Variants in NDOR1 observed in about 807,000 individuals in gnomAD.
NDOR1 encodes the protein NADPH dependent diflavin oxidoreductase 1.
In NDOR1, 61 loss-of-function variants were observed where a neutral mutation model predicts 67.2. The ratio of observed to expected loss-of-function variants is 0.91; its 90% CI spans 0.74 to 1.12. The LOEUF is 1.12. Among genes scored for constraint, NDOR1 ranks in the 50% most tolerant of loss-of-function variants. The pLI, the probability that NDOR1 is intolerant of heterozygous loss-of-function variation, is 0.00. For synonymous variants in NDOR1, 378 were observed against 343.7 expected (o/e 1.10, Z -1.10); for missense variants, 878 against 802.8 (o/e 1.09, Z -1.13).
chr9:137,213,299 G>A (rs1336916019), intron 3 of NDOR1, among the ~76,000 whole-genome samples: 2 of 152,172 alleles, frequency 1.3e-5, no homozygotes, highest in Non-Finnish European at 2.9e-5. Flanking sequence ...GGCCGCTGCC[G>A]ACAGCGTTCC....
In NDOR1 at chr9:137,216,414, T is replaced by C; in HGVS notation, c.1792T>C (p.Ter598ArgextTer77). The change falls in exon 14 of 14, where the codon TGA becomes CGA. Residue 598 changes from the stop codon to arginine (R), a stop_lost. Transcript: ENST00000684003. ...TRRFQTETWA[*>R] ...GCGCTTCCAGACAGAGACGTGGGCC[T>C]GAGGCCCGCGGCTGCCCGTGCCCCC... 2 of 1,600,444 alleles carry C rather than the reference T, an allele frequency of 1.2e-6. No individual in the cohort carries two copies. The highest frequency in any genetic ancestry group is 1.7e-6 in the Non-Finnish European group (2 of 1,177,562).
chr9:137,215,551 G>C, intron 10 of NDOR1, 30 bp downstream of exon 10: 1 of 1,611,430 alleles, frequency 6.2e-7, no homozygotes, highest in Middle Eastern at 1.7e-4. Context: ...TGGGGGCCGT[G>C]GGCCCATATC....
chr9:137,218,056 G>T lies in NDOR1; in HGVS notation c.*1640G>T, dbSNP rs1017337445. The stretch of plus-strand genomic sequence containing the variant: ...AGGAGGGGAGAGAGCAGGCAGCAGG[G>T]CAGGGGGAAGAGGAGGAGTGCCCGA... On this transcript the variant is annotated 3_prime_UTR_variant, in exon 14 of 14. Transcript: ENST00000684003. 20 of 399,450 alleles carry T rather than the reference G, an allele frequency of 5.0e-5. No homozygotes were observed. The highest frequency in any genetic ancestry group is 2.9e-4 in the African/African-American group (14 of 48,762). The allele number at this position is 399,450 out of a possible 1,614,324, so 24.7% of individuals were successfully genotyped here. A position where few individuals can be genotyped will look rare whatever the true frequency, so the allele number is the denominator to read the frequency against.
intron 2 of NDOR1, among the ~76,000 whole-genome samples, chr9:137,210,311 C>G (rs1449415110): frequency 3.3e-5 from 5 of 152,198 alleles, no homozygotes; most frequent in Non-Finnish European, 5.9e-5. Flanking sequence ...GCCCCCTGAC[C>G]TTCCAGACTC....
rs1171123566 is a variant in NDOR1 at position 137,214,429 on chromosome 9, G to A, written c.722+16G>A. On this transcript the variant is annotated intron_variant, in intron 6 of 13. Transcript: ENST00000684003. ...CTGGCATCAGGTGGGGACTGCTGGG[G>A]ACCGAGGAGGGCAAGGTGAGGTGGG... 1 of 1,610,620 alleles carries A rather than the reference G, an allele frequency of 6.2e-7. No individual in the cohort carries two copies. Among genetic ancestry groups the A allele is most frequent in the Admixed American group, 1.7e-5 (1 of 59,344 alleles).
At chr9:137,207,919 C>T (rs1391934611) in intron 2 of NDOR1, among the ~76,000 whole-genome samples, 2 of 151,676 alleles carry the variant, frequency 1.3e-5, no homozygotes, top group Non-Finnish European at 1.5e-5. Flanking sequence ...CCGAGGCGGG[C>T]GAATCACGAG....
chr9:137,219,248 C>T lies in NDOR1; in HGVS notation c.*2832C>T, dbSNP rs1457427290. 1 of 152,264 alleles carries T rather than the reference C, an allele frequency of 6.6e-6. No homozygotes were observed. The highest frequency in any genetic ancestry group is 1.5e-5 in the Non-Finnish European group (1 of 68,088). 9.4% of individuals were successfully genotyped at this position (152,264 alleles called of 1,614,324 possible). A position where few individuals can be genotyped will look rare whatever the true frequency, so the allele number is the denominator to read the frequency against. ...CCAGGCCTTGGAACATAAGCTCTGC[C>T]CCTGCACACCCTCATGTCACCACAC... On this transcript the variant is annotated 3_prime_UTR_variant, in exon 14 of 14. Transcript: ENST00000684003.
chr9:137,215,257 G>T, intron 9 of NDOR1, 55 bp downstream of exon 9: 1 of 1,575,170 alleles, frequency 6.3e-7, no homozygotes. Context: ...CTGGGACCGG[G>T]GCTGTGGGGT....
chr9:137,217,595 A>C lies in NDOR1; in HGVS notation c.*1179A>C. On this transcript the variant is annotated 3_prime_UTR_variant, in exon 14 of 14. Coordinates refer to ENST00000684003, the MANE Select transcript of NDOR1 (RefSeq NM_014434.4). ...GGGCTCCAGCCAGATCTGGCTGGGG[A>C]CAGCACCGCGTGGGCCCAGGATCCA... 5.7e-6 allele frequency: 1 copy of C among 174,878 alleles called. No homozygotes were observed. Among genetic ancestry groups the C allele is most frequent in the Non-Finnish European group, 1.2e-5 (1 of 83,894 alleles). 10.8% of individuals were successfully genotyped at this position (174,878 alleles called of 1,614,324 possible).
chr9:137,210,295 C>T (rs1835190558), intron 2 of NDOR1, among the ~76,000 whole-genome samples: 1 of 152,216 alleles, frequency 6.6e-6, no homozygotes, highest in South Asian at 2.1e-4. Context: ...CCATCAACGG[C>T]TCACTGCCCC....
At position 137,216,312 on chromosome 9, in the gene NDOR1, A is replaced by T. The variant is rs1163004256; in HGVS notation, c.1690A>T (p.Met564Leu). Residue 564 changes from methionine (M) to leucine (L), a missense_variant, in exon 14 of 14, where the codon ATG becomes TTG. Transcript: ENST00000684003. ...SMPADVSEAL[M>L]SIFQEEGGLC... ...GCCAGCGGACGTCTCGGAAGCCCTG[A>T]TGTCCATCTTCCAGGAGGAGGGTGG... 6.2e-7 allele frequency: 1 copy of T among 1,612,204 alleles called. No individual in the cohort carries two copies. Among genetic ancestry groups the T allele is most frequent in the Admixed American group, 1.7e-5 (1 of 60,028 alleles).
Position 137,215,999 on chromosome 9 carries a change from T to G in NDOR1, c.1536T>G (p.Pro512=). 1 of 1,613,422 alleles carries G rather than the reference T, an allele frequency of 6.2e-7. No homozygotes were observed. Among genetic ancestry groups the G allele is most frequent in the Non-Finnish European group, 8.5e-7 (1 of 1,179,988 alleles). ...AGCGGGACTGTCTGACCCTCATCCC[T>G]GCCTTCTCCCGGGAACAGGTGTGTA... The part of the protein sequence containing the change: ...LEKRDCLTLI[P]AFSREQEQKV... Residue 512 remains proline, a synonymous_variant, in exon 12 of 14, where the codon CCT becomes CCG. Transcript: ENST00000684003.
Position 137,214,345 on chromosome 9 carries a change from A to G in NDOR1, c.654A>G (p.Arg218=). The G allele has an allele frequency of 6.2e-7, 1 of 1,614,116 alleles. No homozygotes were observed. Among genetic ancestry groups the G allele is most frequent in the Non-Finnish European group, 8.5e-7 (1 of 1,180,020 alleles). ...PFLAPMISNQ[R]VTGPSHFQDV... ...TAGCACCCATGATCTCCAACCAGAG[A>G]GTCACCGGCCCCTCCCACTTCCAGG... The change falls in exon 6 of 14, where the codon AGA becomes AGG. Residue 218 remains arginine, a synonymous_variant. Coordinates refer to ENST00000684003, the MANE Select transcript of NDOR1 (RefSeq NM_014434.4).
rs142503515 is a variant in NDOR1, at chr9:137,213,846, C to A, written c.378C>A (p.Pro126=). 3.1e-4 allele frequency: 504 copies of A among 1,611,254 alleles called. No homozygotes were observed. The highest frequency in any genetic ancestry group is 3.7e-4 in the Non-Finnish European group (442 of 1,179,230). The change falls in exon 4 of 14, where the codon CCC becomes CCA. Residue 126 remains proline (P), a synonymous_variant. Coordinates refer to ENST00000684003, the MANE Select transcript of NDOR1 (RefSeq NM_014434.4). ...LLQLGGSALL[P]VCLGDDQHEL... is the part of the protein sequence containing the mutation. ...AGCTTGGGGGCAGCGCCCTCCTGCC[C>A]GTGTGCCTGGGCGATGACCAGCATG...
intron 2 of NDOR1, among the ~76,000 whole-genome samples, chr9:137,206,919 G>A (rs1271818926): frequency 1.3e-5 from 2 of 152,262 alleles, no homozygotes; most frequent in East Asian, 1.9e-4. Flanking sequence ...GTCAGGCACC[G>A]AGGAAGAAGG....
Position 137,205,761 on chromosome 9 carries a change from C to A in NDOR1, c.-17C>A, listed in dbSNP as rs1308651993. 27 of 1,602,178 alleles carry A rather than the reference C, an allele frequency of 1.7e-5. No homozygotes were observed. Among genetic ancestry groups the A allele is most frequent in the East Asian group, 2.2e-5 (1 of 44,868 alleles). On this transcript the variant is annotated 5_prime_UTR_variant, in exon 1 of 14. Transcript: ENST00000684003. ...TTCTAGTTTTTAGTCTCAGACCAGA[C>A]CACCGGGCGCACCCCGATGCCGAGC...
chr9:137,206,139 T>C, intron 1 of NDOR1, 93 bp from the exon 2 acceptor site: 1 of 1,526,330 alleles, frequency 6.6e-7, no homozygotes, highest in East Asian at 2.2e-5. Flanking sequence ...CTCTGCCCTG[T>C]CAGCCTGAGT....
Position 137,212,327 on chromosome 9 carries a change from G to C in NDOR1, c.214-175G>C, listed in dbSNP as rs1835299522. On this transcript the variant is annotated intron_variant, in intron 2 of 13. Transcript: ENST00000684003. The surrounding 1 kb of genome is among the most constrained non-coding windows in gnomAD (Gnocchi z 4.3). Reference sequence around the variant, plus strand: ...GCTGGACCAGCCCTGCCTCCTCCCGGTGCCCATCATCCTGCAGGCTGGACC... The same window carrying C: ...GCTGGACCAGCCCTGCCTCCTCCCGCTGCCCATCATCCTGCAGGCTGGACC... Among the ~76,000 whole-genome samples the C allele has an allele frequency of 6.6e-6, 1 of 152,084 alleles. No individual in the cohort carries two copies. Among genetic ancestry groups the C allele is most frequent in the African/African-American group, 2.4e-5 (1 of 41,398 alleles).
Position 137,214,325 on chromosome 9 carries a change from C to G in NDOR1, c.634C>G (p.Pro212Ala). 1 of 1,614,186 alleles carries G rather than the reference C, an allele frequency of 6.2e-7. No individual in the cohort carries two copies. The stretch of plus-strand genomic sequence containing the variant: ...GTCAGAGTCGAAGCCCTTCCTAGCA[C>G]CCATGATCTCCAACCAGAGAGTCAC... The part of the protein sequence containing the change: ...PPSESKPFLA[P>A]MISNQRVTGP... The change falls in exon 6 of 14, where the codon CCC becomes GCC. Residue 212 changes from proline (P) to alanine (A), a missense_variant. Physicochemically the swap from Pro to Ala is conservative, Grantham distance 27 (BLOSUM62 -1). Transcript: ENST00000684003.
Sources: gnomAD v4.1 joint callset for allele counts (sites outside exome capture counted in the v4.1 genomes callset) on GRCh38, gnomAD v4.1.1 for gene constraint, Gnocchi (gnomAD v3.1) non-coding constraint, MANE v1.5 for transcripts, NCBI Gene and HGNC (gene_info 2026-07-23, HGNC 2026-07-21) for gene names.